Variants in AGBL4 observed in about 807,000 individuals in gnomAD.
AGBL4 encodes the protein cytosolic carboxypeptidase 6.
Under a neutral mutation model 66.4 loss-of-function variants are expected in AGBL4, and 58 were observed. The observed-to-expected ratio is 0.87, with a 90% CI of 0.71 to 1.09. The LOEUF is 1.09. Among genes scored for constraint, AGBL4 ranks in the 50% least tolerant of loss-of-function variants. AGBL4 has a pLI of 0.00. For missense variants in AGBL4, 579 were observed against 631.0 expected, an observed-to-expected ratio of 0.92 and a Z score of 0.88; for synonymous variants, 234 against 222.9, an observed-to-expected ratio of 1.05 and a Z score of -0.44.
At chr1:48,979,235 A>T (rs941347148) in intron 5 of AGBL4, among the ~76,000 whole-genome samples, 3 of 152,200 alleles carry the variant, frequency 2.0e-5, no homozygotes, top group African/African-American at 7.2e-5. Flanking sequence ...CCTGTATCCT[A>T]AAACTGTAAT....
intron 3 of AGBL4, among the ~76,000 whole-genome samples, chr1:49,316,161 G>A (rs555576165): frequency 1.3e-5 from 2 of 152,030 alleles, no homozygotes; most frequent in African/African-American, 2.4e-5. Context: ...GCACTGAAAC[G>A]ATTATTCTGA....
chr1:49,510,249 T>C (rs148710099), intron 3 of AGBL4, among the ~76,000 whole-genome samples: 7,287 of 151,936 alleles, frequency 0.048, 215 homozygotes, highest in African/African-American at 0.065. Flanking sequence ...CACCTGTTGT[T>C]TCCTGACTTT....
At chr1:49,088,635 A>G (rs1274576749) in intron 4 of AGBL4, among the ~76,000 whole-genome samples, 1 of 152,114 alleles carries the variant, frequency 6.6e-6, no homozygotes, top group African/African-American at 2.4e-5. Context: ...AGACTTAGCT[A>G]ATCATACAAT....
At chr1:49,383,433 T>C (rs1466100370) in intron 3 of AGBL4, among the ~76,000 whole-genome samples, 3 of 152,130 alleles carry the variant, frequency 2.0e-5, no homozygotes, top group Non-Finnish European at 4.4e-5. Context: ...AGTATGATAC[T>C]AGCATAAAGA....
At chr1:48,735,150 A>G (rs1648815409) in intron 6 of AGBL4, among the ~76,000 whole-genome samples, 1 of 152,222 alleles carries the variant, frequency 6.6e-6, no homozygotes, top group African/African-American at 2.4e-5. Flanking sequence ...TTTAACAAAA[A>G]CCCCTAAATC....
intron 4 of AGBL4, among the ~76,000 whole-genome samples, chr1:49,057,605 C>G (rs934489627): frequency 1.3e-5 from 2 of 152,114 alleles, no homozygotes; most frequent in Non-Finnish European, 2.9e-5. Flanking sequence ...TCATTCCATT[C>G]TCCACACTAA....
At chr1:49,777,247 T>C (rs1644221475) in intron 2 of AGBL4, among the ~76,000 whole-genome samples, 1 of 152,036 alleles carries the variant, frequency 6.6e-6, no homozygotes, top group African/African-American at 2.4e-5. Flanking sequence ...ATAATAATCA[T>C]TTAGACCCAT....
intron 1 of AGBL4, among the ~76,000 whole-genome samples, chr1:49,975,665 C>G (rs761907032): frequency 3.9e-5 from 6 of 152,160 alleles, no homozygotes; most frequent in Non-Finnish European, 8.8e-5. Context: ...GAAATCGTAG[C>G]TCTAATATTT....
At chr1:49,372,631 CTTTCTTTCTTTCTTTCTT>C (rs1438618355) in intron 3 of AGBL4, among the ~76,000 whole-genome samples, 4 of 125,498 alleles carry the variant, frequency 3.2e-5, no homozygotes, top group Non-Finnish European at 6.4e-5. Flanking sequence ...TTCTTTCTTT[CTTTCTTTCTTTCTTTCTT>C]TCTTTCTTTC....
chr1:49,552,521 T>C (rs566589323), intron 3 of AGBL4, among the ~76,000 whole-genome samples: 7 of 152,310 alleles, frequency 4.6e-5, no homozygotes, highest in Admixed American at 3.9e-4. Flanking sequence ...TCTCTCTAAA[T>C]TGACTCAGTT....
intron 11 of AGBL4, among the ~76,000 whole-genome samples, chr1:48,563,131 G>A (rs1393365749): frequency 1.3e-5 from 2 of 152,202 alleles, no homozygotes; most frequent in African/African-American, 4.8e-5. Context: ...TGGAAAGAGA[G>A]CCAGGCTGCT....
intron 5 of AGBL4, among the ~76,000 whole-genome samples, chr1:48,942,246 T>A (rs1195656573): frequency 6.6e-6 from 1 of 150,990 alleles, no homozygotes; most frequent in Non-Finnish European, 1.5e-5. Context: ...ACTGAAGGAC[T>A]CTCTGCAGAA....
chr1:49,122,680 A>T (rs1191646055), intron 4 of AGBL4, among the ~76,000 whole-genome samples: 1 of 152,208 alleles, frequency 6.6e-6, no homozygotes, highest in Non-Finnish European at 1.5e-5. Flanking sequence ...CCATGACCTT[A>T]GACAATTTAC....
chr1:49,325,717 T>C (rs941261081), intron 3 of AGBL4, among the ~76,000 whole-genome samples: 4 of 152,210 alleles, frequency 2.6e-5, no homozygotes, highest in African/African-American at 9.7e-5. Context: ...TCATATTCAA[T>C]TGTAATCCCC....
chr1:49,166,114 A>G (rs930644771), intron 4 of AGBL4, among the ~76,000 whole-genome samples: 5 of 152,180 alleles, frequency 3.3e-5, no homozygotes, highest in African/African-American at 9.6e-5. Flanking sequence ...AATATATTTC[A>G]CATCCCTGCC....
intron 1 of AGBL4, among the ~76,000 whole-genome samples, chr1:49,996,559 GA>G (rs1251833747): frequency 6.6e-6 from 1 of 152,120 alleles, no homozygotes; most frequent in Non-Finnish European, 1.5e-5. Flanking sequence ...AGAAGTCTGG[GA>G]TTATGGTAAA....
intron 3 of AGBL4, among the ~76,000 whole-genome samples, chr1:49,684,172 T>C (rs767463215): frequency 6.6e-6 from 1 of 152,132 alleles, no homozygotes; most frequent in Non-Finnish European, 1.5e-5. Flanking sequence ...CTTTTCCTCT[T>C]GATTTTATTG....
rs1417366808 is a variant in AGBL4 at position 49,270,453 on chromosome 1, T to C, written c.283-24589A>G. Among the ~76,000 whole-genome samples the C allele has an allele frequency of 2.6e-5, 4 of 152,040 alleles. No homozygotes were observed. In the East Asian group the frequency reaches 7.7e-4, roughly 29 times the overall value. The stretch of plus-strand genomic sequence containing the variant: ...GCTCTCAGGGGGATATTTTTTTTTT[T>C]CTCAACCTTTGTTGTTTGGTTAGTT... On this transcript the variant is annotated intron_variant, in intron 3 of 13. Transcript: ENST00000371839.
chr1:49,224,608 C>A (rs1266783840), intron 4 of AGBL4, among the ~76,000 whole-genome samples: 1 of 135,892 alleles, frequency 7.4e-6, no homozygotes, highest in Admixed American at 7.6e-5. Flanking sequence ...CAGAGCGAGA[C>A]TCCCTCTCAA....
Sources: gnomAD v4.1 joint callset for allele counts (sites outside exome capture counted in the v4.1 genomes callset) on GRCh38, gnomAD v4.1.1 for gene constraint, MANE v1.5 for transcripts, NCBI Gene and HGNC (gene_info 2026-07-23, HGNC 2026-07-21) for gene names.